AMBRA1: variants seen among roughly 807,000 people sequenced by gnomAD.
The protein encoded by AMBRA1 is activating molecule in BECN1-regulated autophagy protein 1.
Under a neutral mutation model 125.4 loss-of-function variants are expected in AMBRA1, and 47 were observed. That is an observed-to-expected ratio of 0.37 (90% confidence interval 0.30 to 0.48). The LOEUF is 0.48. Among genes scored for constraint, AMBRA1 ranks in the 20% least tolerant of loss-of-function variants. The probability of loss-of-function intolerance (pLI) is 0.99; values close to 1 mark genes in which losing one functional copy is unlikely to be tolerated. For missense variants in AMBRA1, 1,331 were observed against 1,693.4 expected (o/e 0.79, Z 3.76); for synonymous variants, 626 against 655.5 (o/e 0.95, Z 0.69).
At chr11:46,568,966 C>T (rs1475018926) in intron 1 of AMBRA1, among the ~76,000 whole-genome samples, 1 of 151,598 alleles carries the variant, frequency 6.6e-6, no homozygotes, top group Non-Finnish European at 1.5e-5. Context: ...GCGACCAAGA[C>T]CAGCTAATTT....
intron 7 of AMBRA1, among the ~76,000 whole-genome samples, chr11:46,532,163 G>C (rs1476179455): frequency 1.3e-5 from 2 of 152,064 alleles, no homozygotes; most frequent in Non-Finnish European, 2.9e-5. Flanking sequence ...ACTTTCTTAT[G>C]AAGAGGCAAG....
chr11:46,418,170 A>G, intron 14 of AMBRA1, 118 bp from the exon 15 acceptor site: 2 of 870,330 alleles, frequency 2.3e-6, no homozygotes, highest in Non-Finnish European at 3.0e-6. Flanking sequence ...TTAGGCTGGG[A>G]ACAGGATGAC....
chr11:46,539,980 C>A (rs908524907), intron 7 of AMBRA1, among the ~76,000 whole-genome samples: 1 of 152,028 alleles, frequency 6.6e-6, no homozygotes, highest in East Asian at 1.9e-4. Flanking sequence ...TACAGGCCTG[C>A]GCCACCAAGC....
In AMBRA1 at chr11:46,438,982, T is replaced by C. The variant is rs115427912; in HGVS notation, c.2633-3945A>G. On this transcript the variant is annotated intron_variant, in intron 12 of 17. Transcript: ENST00000683756. ...ACTTGGTGGTTGCTGAACTCATCAG[T>C]AAAACACAGAATCAGGCTGGGCTCA... is the stretch of plus-strand genomic sequence containing the variant. 4.9e-3 allele frequency among the ~76,000 whole-genome samples: 741 copies of C among 152,198 alleles called. 7 individuals carry two copies. Among genetic ancestry groups the C allele is most frequent in the African/African-American group, 0.017 (693 of 41,518 alleles).
chr11:46,511,599 A>C (rs1951259439), intron 8 of AMBRA1, among the ~76,000 whole-genome samples: 1 of 152,208 alleles, frequency 6.6e-6, no homozygotes, highest in Admixed American at 6.5e-5. Flanking sequence ...TGCCAACCCC[A>C]CAACTGTAAA....
At chr11:46,500,402 A>G (rs1369687719) in intron 9 of AMBRA1, among the ~76,000 whole-genome samples, 1 of 152,244 alleles carries the variant, frequency 6.6e-6, no homozygotes, top group Non-Finnish European at 1.5e-5. Context: ...ATCAATACTT[A>G]CAATGCAACC....
chr11:46,533,255 ATTG>A (rs78009650), intron 7 of AMBRA1, among the ~76,000 whole-genome samples: 21,464 of 152,228 alleles, frequency 0.14, 1,572 homozygotes, highest in Non-Finnish European at 0.17. Context: ...ACACACACAA[ATTG>A]TTAATAGCAG....
At chr11:46,553,551 C>T (rs532620680) in intron 1 of AMBRA1, among the ~76,000 whole-genome samples, 1 of 152,106 alleles carries the variant, frequency 6.6e-6, no homozygotes, top group East Asian at 2.0e-4. Flanking sequence ...TCGAGACCAG[C>T]CTGGCCAACA....
intron 11 of AMBRA1, among the ~76,000 whole-genome samples, chr11:46,471,217 G>C (rs535297812): frequency 6.6e-6 from 1 of 152,034 alleles, no homozygotes; most frequent in Non-Finnish European, 1.5e-5. Context: ...TCGGGCGGGC[G>C]GATCACTTGA....
At chr11:46,517,431 A>C (rs894013041) in intron 7 of AMBRA1, among the ~76,000 whole-genome samples, 17 of 146,472 alleles carry the variant, frequency 1.2e-4, no homozygotes, top group African/African-American at 1.8e-4. Context: ...TTACAGGCGT[A>C]AGCCACCGCG....
rs192316966 is a variant in AMBRA1, at chr11:46,561,644, T to C, written c.-120-13144A>G. On this transcript the variant is annotated intron_variant, in intron 1 of 17. Transcript: ENST00000683756. ...CTTAGTAGATACTGTGTTCAGTGTT[T>C]TCCAATCTTATAGTCAGCCCAGGTC... Among the ~76,000 whole-genome samples, 136 of 152,330 alleles carry C rather than the reference T, an allele frequency of 8.9e-4. 1 individual carries two copies. Among genetic ancestry groups the C allele is most frequent in the Non-Finnish European group, 1.7e-3 (114 of 68,028 alleles).
In AMBRA1 at chr11:46,548,469, T is replaced by C; in HGVS notation, c.-89A>G. Reference sequence around the variant, plus strand: ...CACTGAAGCAGCTAAAATGAGGCCATACAGGTCCTTGTAAGTTGTCCTCAT... The same window carrying C: ...CACTGAAGCAGCTAAAATGAGGCCACACAGGTCCTTGTAAGTTGTCCTCAT... On this transcript the variant is annotated 5_prime_UTR_variant, in exon 2 of 18. The change abolishes an upstream ATG in the 5' untranslated region. Transcript: ENST00000683756. The C allele has an allele frequency of 6.6e-7, 1 of 1,520,180 alleles. No individual in the cohort carries two copies. The highest frequency in any genetic ancestry group is 8.9e-7 in the Non-Finnish European group (1 of 1,122,888). The allele number at this position is 1,520,180 out of a possible 1,614,324, so 94.2% of individuals were successfully genotyped here.
chr11:46,574,440 GT>G (rs1426312888), intron 1 of AMBRA1, among the ~76,000 whole-genome samples: 1 of 151,502 alleles, frequency 6.6e-6, no homozygotes, highest in East Asian at 1.9e-4. Context: ...TTTTTCATGT[GT>G]TTTTTGGCTG....
intron 14 of AMBRA1, among the ~76,000 whole-genome samples, chr11:46,429,794 G>C (rs748522485): frequency 1.1e-4 from 17 of 152,040 alleles, no homozygotes; most frequent in Non-Finnish European, 1.9e-4. Flanking sequence ...AGCCGAGAGG[G>C]AACACAGGCA....
intron 17 of AMBRA1, among the ~76,000 whole-genome samples, chr11:46,403,658 G>A (rs143441574): frequency 1.2e-4 from 18 of 152,296 alleles, no homozygotes; most frequent in African/African-American, 4.3e-4. Context: ...CAAATTCTGG[G>A]AGAAGTCAAA....
At chr11:46,479,622 AGGAGGC>A (rs1949974530) in intron 11 of AMBRA1, among the ~76,000 whole-genome samples, 1 of 152,086 alleles carries the variant, frequency 6.6e-6, no homozygotes, top group East Asian at 1.9e-4. Context: ...ACTTGAACCC[AGGAGGC>A]GGAGGTTGCA....
At chr11:46,426,382 G>A (rs530652009) in intron 14 of AMBRA1, among the ~76,000 whole-genome samples, 20 of 152,350 alleles carry the variant, frequency 1.3e-4, no homozygotes, top group Admixed American at 1.2e-3. Context: ...ACGCACTACA[G>A]AGGAAGGGAC....
At chr11:46,463,381 T>C (rs1304798561) in intron 11 of AMBRA1, among the ~76,000 whole-genome samples, 2 of 152,212 alleles carry the variant, frequency 1.3e-5, no homozygotes, top group South Asian at 2.1e-4. Flanking sequence ...CATCTTTATA[T>C]AAAATATATA....
intron 3 of AMBRA1, among the ~76,000 whole-genome samples, 153 bp downstream of exon 3, chr11:46,547,664 T>C (rs946448959): frequency 3.3e-5 from 5 of 152,186 alleles, no homozygotes; most frequent in African/African-American, 7.2e-5. Context: ...GCACTGCTCA[T>C]CTACTTTCTT....
Sources: allele counts gnomAD v4.1 joint callset (sites outside exome capture counted in the v4.1 genomes callset), GRCh38; gene constraint gnomAD v4.1.1; transcripts MANE v1.5; gene names NCBI Gene and HGNC (gene_info 2026-07-23, HGNC 2026-07-21).